CDH8: variants seen among roughly 807,000 people sequenced by gnomAD.
The protein encoded by CDH8 is cadherin-8.
Under a neutral mutation model 68.1 loss-of-function variants are expected in CDH8, and 17 were observed. The ratio of observed to expected loss-of-function variants is 0.25; its 90% confidence interval spans 0.17 to 0.37. The LOEUF (loss-of-function observed/expected upper bound fraction) is 0.37, where lower values mean the gene tolerates loss of function less well. Ranked by LOEUF, CDH8 falls within the 10% of genes least tolerant of loss-of-function variation. The pLI is 1.00. For missense variants in CDH8, 763 were observed against 999.3 expected (o/e 0.76, Z 3.19); for synonymous variants, 372 against 365.1 (o/e 1.02, Z -0.21).
At chr16:61,782,836 C>T (rs1051402509) in intron 8 of CDH8, among the ~76,000 whole-genome samples, 43 of 151,882 alleles carry the variant, frequency 2.8e-4, no homozygotes, top group Admixed American at 3.3e-4. Context: ...CACACTGACA[C>T]CTCACATGGC....
At chr16:61,877,596 T>C (rs1480904829) in intron 3 of CDH8, among the ~76,000 whole-genome samples, 1 of 152,138 alleles carries the variant, frequency 6.6e-6, no homozygotes, top group Non-Finnish European at 1.5e-5. Context: ...ATTTTTGTGG[T>C]ACTTCCAGAC....
At chr16:61,952,373 G>A (rs1320291708) in intron 2 of CDH8, among the ~76,000 whole-genome samples, 1 of 152,112 alleles carries the variant, frequency 6.6e-6, no homozygotes, top group African/African-American at 2.4e-5. Flanking sequence ...TTTACTTATG[G>A]CATTTGTGTT....
chr16:61,774,699 A>G (rs1405485591), intron 8 of CDH8, among the ~76,000 whole-genome samples: 1 of 152,084 alleles, frequency 6.6e-6, no homozygotes, highest in East Asian at 1.9e-4. Context: ...AGGAGCCCCA[A>G]AGCACTATGG....
In CDH8 at chr16:61,848,423, G is replaced by A. The variant is rs1380869292; in HGVS notation, c.667+8696C>T. On this transcript the variant is annotated intron_variant, in intron 4 of 11. Coordinates refer to ENST00000577390, the MANE Select transcript of CDH8 (RefSeq NM_001796.5). ...AAGCTCCTTGTGAACTTCAAAAATG[G>A]TTTGTCCAAAGGTGCAAATAACATG... Among the ~76,000 whole-genome samples, 4 of 152,008 alleles carry A rather than the reference G, an allele frequency of 2.6e-5. No homozygotes were observed. In the East Asian group the frequency reaches 7.7e-4, roughly 29 times the overall value.
intron 4 of CDH8, among the ~76,000 whole-genome samples, chr16:61,853,761 T>A (rs914956144): frequency 6.6e-6 from 1 of 152,116 alleles, no homozygotes; most frequent in African/African-American, 2.4e-5. Context: ...AGAATTTGGA[T>A]TCTTGGGTCA....
intron 4 of CDH8, among the ~76,000 whole-genome samples, chr16:61,845,522 ACTAT>A (rs1282419193): frequency 2.0e-5 from 3 of 151,394 alleles, no homozygotes; most frequent in Non-Finnish European, 4.4e-5. Flanking sequence ...AAAAAAAAAA[ACTAT>A]CTAATTATAG....
intron 2 of CDH8, among the ~76,000 whole-genome samples, chr16:61,904,318 A>G (rs1408690998): frequency 6.6e-6 from 1 of 152,192 alleles, no homozygotes; most frequent in African/African-American, 2.4e-5. Flanking sequence ...GTCATATCAT[A>G]TTCACTTAAA....
chr16:61,835,272 A>C (rs570485411), intron 4 of CDH8, among the ~76,000 whole-genome samples: 95 of 152,038 alleles, frequency 6.2e-4, no homozygotes, highest in African/African-American at 2.2e-3. Context: ...ACTTCCTTAC[A>C]TGTGAGTTTC....
chr16:61,903,629 G>A (rs1370083366), intron 2 of CDH8, among the ~76,000 whole-genome samples: 1 of 152,150 alleles, frequency 6.6e-6, no homozygotes, highest in African/African-American at 2.4e-5. Flanking sequence ...GTTTTTGAAA[G>A]AACAAAACAC....
intron 10 of CDH8, among the ~76,000 whole-genome samples, chr16:61,663,381 T>G (rs984282706): frequency 8.5e-5 from 13 of 152,084 alleles, no homozygotes; most frequent in African/African-American, 3.1e-4. Context: ...GAGACAATGC[T>G]AAAGGCAGTC....
intron 10 of CDH8, among the ~76,000 whole-genome samples, chr16:61,682,997 A>G (rs1180728929): frequency 4.6e-5 from 7 of 152,058 alleles, no homozygotes; most frequent in Non-Finnish European, 1.0e-4. Flanking sequence ...TCAAAGAAAT[A>G]CAAGTGGAGG....
chr16:61,989,582 G>A (rs536414226), intron 2 of CDH8, among the ~76,000 whole-genome samples: 1 of 152,304 alleles, frequency 6.6e-6, no homozygotes, highest in East Asian at 1.9e-4. Flanking sequence ...ATACTTGCTT[G>A]TGTAGCCAGA....
chr16:61,678,014 G>T (rs1025381007), intron 10 of CDH8, among the ~76,000 whole-genome samples: 1 of 151,900 alleles, frequency 6.6e-6, no homozygotes, highest in African/African-American at 2.4e-5. Flanking sequence ...ATAAACTTTG[G>T]TTTCCACAAC....
At chr16:61,764,929 C>T (rs1444433018) in intron 8 of CDH8, among the ~76,000 whole-genome samples, 6 of 151,980 alleles carry the variant, frequency 3.9e-5, no homozygotes, top group Non-Finnish European at 2.9e-5. Context: ...GATTTTCTAT[C>T]TAATTTTATC....
chr16:61,925,399 A>T (rs2143433284), intron 2 of CDH8, among the ~76,000 whole-genome samples: 1 of 152,310 alleles, frequency 6.6e-6, no homozygotes, highest in South Asian at 2.1e-4. Context: ...ATCTCAATAA[A>T]ATACTATATT....
chr16:61,779,433 G>GTA (rs1960986946), intron 8 of CDH8, among the ~76,000 whole-genome samples: 1 of 146,870 alleles, frequency 6.8e-6, no homozygotes, highest in Non-Finnish European at 1.5e-5. Context: ...TTATGTGTGT[G>GTA]TGTGTGTGTG....
intron 2 of CDH8, among the ~76,000 whole-genome samples, chr16:62,015,322 A>G (rs914310374): frequency 3.3e-5 from 5 of 152,168 alleles, no homozygotes; most frequent in African/African-American, 1.2e-4. Context: ...AAAATCTGAA[A>G]ATATCTCAAA....
intron 4 of CDH8, among the ~76,000 whole-genome samples, chr16:61,850,863 A>C (rs1240971480): frequency 2.0e-5 from 3 of 152,012 alleles, no homozygotes; most frequent in African/African-American, 7.2e-5. Context: ...CATGAACCCT[A>C]TATTATGTGT....
intron 2 of CDH8, among the ~76,000 whole-genome samples, chr16:61,947,973 C>T (rs1049865504): frequency 4.6e-5 from 7 of 152,178 alleles, no homozygotes; most frequent in African/African-American, 1.7e-4. Context: ...ACGTGCCATT[C>T]ACAGTCTCCA....
Sources: gnomAD v4.1 joint callset for allele counts (sites outside exome capture counted in the v4.1 genomes callset) on GRCh38, gnomAD v4.1.1 for gene constraint, MANE v1.5 for transcripts, NCBI Gene and HGNC (gene_info 2026-07-23, HGNC 2026-07-21) for gene names.